PPP1R42: variants seen among roughly 807,000 people sequenced by gnomAD.
PPP1R42 encodes the protein protein phosphatase 1 regulatory subunit 42.
Under a neutral mutation model 31.0 loss-of-function variants are expected in PPP1R42, and 34 were observed. That is an observed-to-expected ratio of 1.10 (90% CI 0.83 to 1.46). PPP1R42 has a LOEUF of 1.46. Among genes scored for constraint, PPP1R42 ranks in the 40% most tolerant of loss-of-function variants. The pLI, the probability that PPP1R42 is intolerant of heterozygous loss-of-function variation, is 0.00. For synonymous variants in PPP1R42, 103 were observed against 109.8 expected (o/e 0.94, Z 0.39); for missense variants, 268 against 303.0 (o/e 0.88, Z 0.86).
At chr8:67,014,692 T>C in intron 2 of PPP1R42, 100 bp from the exon 3 acceptor site, 1 of 738,752 alleles carries the variant, frequency 1.4e-6, no homozygotes, top group Non-Finnish European at 2.1e-6. Flanking sequence ...CAAATTTCTC[T>C]AAGGTTAATA....
intron 7 of PPP1R42, among the ~76,000 whole-genome samples, chr8:66,967,978 C>T (rs565897821): frequency 1.7e-4 from 26 of 151,558 alleles, no homozygotes; most frequent in African/African-American, 6.3e-4. Context: ...TCAGGCACCT[C>T]CTAGCATGTT....
intron 5 of PPP1R42, among the ~76,000 whole-genome samples, chr8:67,005,915 C>G (rs1389435579): frequency 6.6e-6 from 1 of 152,012 alleles, no homozygotes; most frequent in Admixed American, 6.6e-5. Flanking sequence ...CAGTGGCTTT[C>G]TATTGCACTT....
At chr8:66,997,726 A>C (rs1466686322) in intron 5 of PPP1R42, among the ~76,000 whole-genome samples, 3 of 151,448 alleles carry the variant, frequency 2.0e-5, no homozygotes, top group African/African-American at 4.9e-5. Context: ...AAAAAAAAAA[A>C]CACCTTTTAG....
intron 7 of PPP1R42, among the ~76,000 whole-genome samples, chr8:66,969,638 C>G (rs977468386): frequency 3.9e-5 from 6 of 152,194 alleles, no homozygotes; most frequent in African/African-American, 1.2e-4. Flanking sequence ...GTAATGTTCA[C>G]AGGGCTTCTT....
intron 1 of PPP1R42, among the ~76,000 whole-genome samples, chr8:67,023,379 G>A (rs1257353462): frequency 1.3e-5 from 2 of 152,246 alleles, no homozygotes; most frequent in East Asian, 3.9e-4. Flanking sequence ...CAAACCGTTG[G>A]GATTGCAGGC....
intron 5 of PPP1R42, among the ~76,000 whole-genome samples, chr8:66,991,302 A>G (rs987041615): frequency 4.6e-5 from 7 of 152,228 alleles, no homozygotes; most frequent in African/African-American, 1.4e-4. Flanking sequence ...TAGCCTCATC[A>G]GGCTACTTGT....
chr8:67,021,771 T>C (rs1816225760), intron 1 of PPP1R42, among the ~76,000 whole-genome samples: 1 of 152,184 alleles, frequency 6.6e-6, no homozygotes, highest in Non-Finnish European at 1.5e-5. Flanking sequence ...CCATATATAG[T>C]ACTGTTTTTC....
intron 1 of PPP1R42, among the ~76,000 whole-genome samples, chr8:67,024,306 A>C (rs925287186): frequency 6.6e-6 from 1 of 152,016 alleles, no homozygotes. Context: ...TAGACTTCTA[A>C]TGGTTCTTTT....
chr8:66,998,777 T>C (rs1267959068), intron 5 of PPP1R42, among the ~76,000 whole-genome samples: 1 of 152,224 alleles, frequency 6.6e-6, no homozygotes, highest in Non-Finnish European at 1.5e-5. Context: ...TATCATGCAT[T>C]TTGTGCATCT....
intron 5 of PPP1R42, among the ~76,000 whole-genome samples, chr8:67,003,959 G>A (rs1410569515): frequency 2.0e-5 from 3 of 152,060 alleles, no homozygotes; most frequent in South Asian, 2.1e-4. Context: ...GCGTGGTGGC[G>A]GGCGCCTGTA....
chr8:66,964,233 T>C lies in PPP1R42; in HGVS notation c.*88A>G. The C allele has an allele frequency of 1.0e-6, 1 of 997,256 alleles. No homozygotes were observed. The highest frequency in any genetic ancestry group is 1.4e-6 in the Non-Finnish European group (1 of 722,702). 61.8% of individuals were successfully genotyped at this position (997,256 alleles called of 1,614,324 possible). A position where few individuals can be genotyped will look rare whatever the true frequency, so the allele number is the denominator to read the frequency against. On this transcript the variant is annotated 3_prime_UTR_variant, in exon 8 of 8. Coordinates refer to ENST00000685739, the MANE Select transcript of PPP1R42 (RefSeq NM_001364910.1). Reference sequence around the variant, plus strand: ...CACTTGAGGCTGAATTTACTCATTTTCCACAAACAAATTTTCTTTTTCTTC... The same window carrying C: ...CACTTGAGGCTGAATTTACTCATTTCCCACAAACAAATTTTCTTTTTCTTC...
Position 67,008,193 on chromosome 8 carries a change from T to G in PPP1R42, c.552+2522A>C, listed in dbSNP as rs114974183. 8.2e-3 allele frequency among the ~76,000 whole-genome samples: 1,244 copies of G among 152,236 alleles called. 15 individuals are homozygous for G. Among genetic ancestry groups the G allele is most frequent in the African/African-American group, 0.029 (1,190 of 41,530 alleles). On this transcript the variant is annotated intron_variant, in intron 5 of 7. Coordinates refer to ENST00000685739, the MANE Select transcript of PPP1R42 (RefSeq NM_001364910.1). ...TATTATTGTTGTTAATCTCTTAGTA[T>G]GCCTAATTTATAAATTAAACTTTAT...
At chr8:66,980,365 G>A (rs1047340786) in intron 7 of PPP1R42, among the ~76,000 whole-genome samples, 2 of 151,798 alleles carry the variant, frequency 1.3e-5, no homozygotes, top group East Asian at 3.9e-4. Context: ...TAGCTGGGAC[G>A]ACAGGCACAT....
chr8:66,964,337 G>C lies in PPP1R42; in HGVS notation c.803-3C>G. 8.0e-7 allele frequency: 1 copy of C among 1,247,604 alleles called. No individual in the cohort carries two copies. The highest frequency in any genetic ancestry group is 1.3e-5 in the South Asian group (1 of 74,148). The allele number at this position is 1,247,604 out of a possible 1,614,324, so 77.3% of individuals were successfully genotyped here. On this transcript the variant is annotated splice_region_variant and splice_polypyrimidine_tract_variant and intron_variant, in intron 7 of 7. Coordinates refer to ENST00000685739, the MANE Select transcript of PPP1R42 (RefSeq NM_001364910.1). ...CAGATTGCTTCAAAGAGAGATTCCT[G>C]TATTTATAGAGAGGGAAAAAAAAGC...
At chr8:66,964,404 C>T (rs986477256) in intron 7 of PPP1R42, 70 bp from the exon 8 acceptor site, 72 of 735,886 alleles carry the variant, frequency 9.8e-5, no homozygotes, top group Non-Finnish European at 1.2e-4. Context: ...AGGTAGCAAA[C>T]ATACAGAATC....
At chr8:67,011,900 T>C (rs2129536894) in intron 4 of PPP1R42, among the ~76,000 whole-genome samples, 1 of 152,310 alleles carries the variant, frequency 6.6e-6, no homozygotes, top group South Asian at 2.1e-4. Context: ...ACTAAAGTAC[T>C]GGGAGAACTA....
At chr8:67,012,826 G>A (rs1237393720) in intron 4 of PPP1R42, 132 bp downstream of exon 4, 6 of 735,104 alleles carry the variant, frequency 8.2e-6, no homozygotes, top group Non-Finnish European at 1.2e-5. Flanking sequence ...TCAGTCCTCT[G>A]ATAAGCTCTG....
intron 1 of PPP1R42, among the ~76,000 whole-genome samples, chr8:67,024,648 G>A (rs1816336584): frequency 6.6e-6 from 1 of 151,462 alleles, no homozygotes; most frequent in Non-Finnish European, 1.5e-5. Flanking sequence ...CTAATTTGTT[G>A]TATTTTTTTT....
At chr8:66,986,080 C>A in intron 6 of PPP1R42, 2 of 732,494 alleles carry the variant, frequency 2.7e-6, no homozygotes, top group South Asian at 2.7e-5. Flanking sequence ...TTCAGATGAT[C>A]GGCTGCCTTC....
Sources: gnomAD v4.1 joint callset for allele counts (sites outside exome capture counted in the v4.1 genomes callset) on GRCh38, gnomAD v4.1.1 for gene constraint, MANE v1.5 for transcripts, NCBI Gene and HGNC (gene_info 2026-07-23, HGNC 2026-07-21) for gene names.